OTOG: variants seen among roughly 807,000 people sequenced by gnomAD.
OTOG encodes otogelin.
A neutral mutation model predicts 313.8 loss-of-function variants in OTOG; 296 were observed. That is an observed-to-expected ratio of 0.94 (90% CI 0.86 to 1.04). OTOG has a LOEUF of 1.04. OTOG is among the 50% of genes least tolerant of loss of function. The probability of loss-of-function intolerance (pLI) is 0.00; values close to 1 mark genes in which losing one functional copy is unlikely to be tolerated. For synonymous variants in OTOG, 1,533 were observed against 1,554.9 expected, an observed-to-expected ratio of 0.99 and a Z score of 0.33; for missense variants, 3,948 against 3,840.1, an observed-to-expected ratio of 1.03 and a Z score of -0.74.
chr11:17,555,815 A>G lies in OTOG; in HGVS notation c.577A>G (p.Thr193Ala). Residue 193 changes from threonine to alanine, a missense_variant, in exon 7 of 56, where the codon ACC becomes GCC. Physicochemically the swap from Thr to Ala is moderately conservative, Grantham distance 58. Transcript: ENST00000399397. ...NDPQCGSSPYTCSRAVSLFFV... is the reference protein window; with the variant it reads ...NDPQCGSSPYACSRAVSLFFV... Reference sequence around the variant, plus strand: ...CCCGCAGTGTGGCTCTTCACCCTACACCTGCTCCAGGGCTGTCAGCCTCTT... The same window carrying G: ...CCCGCAGTGTGGCTCTTCACCCTACGCCTGCTCCAGGGCTGTCAGCCTCTT... 6.4e-7 allele frequency: 1 copy of G among 1,550,710 alleles called. No individual in the cohort carries two copies. Among genetic ancestry groups the G allele is most frequent in the Non-Finnish European group, 8.7e-7 (1 of 1,147,032 alleles).
intron 40 of OTOG, 115 bp from the exon 41 acceptor site, chr11:17,631,587 G>A: frequency 1.2e-6 from 1 of 827,884 alleles, no homozygotes; most frequent in East Asian, 2.7e-5. Context: ...CCTATAAAAT[G>A]GGGATAATGG....
intron 12 of OTOG, among the ~76,000 whole-genome samples, chr11:17,559,909 G>GAAAGAAGGAAGTGAGGAAGAA (rs371913412): frequency 6.7e-6 from 1 of 148,704 alleles, no homozygotes; most frequent in Non-Finnish European, 1.5e-5. Flanking sequence ...AGGGAGGAAG[G>GAAAGAAGGAAGTGAGGAAGAA]AAGGAAAGAA....
Position 17,641,940 on chromosome 11 carries a change from TC to T in OTOG, c.8287del (p.Leu2763CysfsTer31). On this transcript the variant is annotated frameshift_variant, in exon 52 of 56. Coordinates refer to ENST00000399397, the MANE Select transcript of OTOG (RefSeq NM_001292063.2). LOFTEE classifies it high-confidence loss of function. ...CLFTFPNGTT[S>X]LFLPGASWIA... Reference sequence around the variant, plus strand: ...CTTCACCTTCCCCAATGGCACCACCTCCCTGTTCTTGGTAAGCAGCCCCCTC... The same window carrying T: ...CTTCACCTTCCCCAATGGCACCACCTCCTGTTCTTGGTAAGCAGCCCCCTC... 6.5e-7 allele frequency: 1 copy of T among 1,550,122 alleles called. No individual in the cohort carries two copies.
At position 17,556,026 on chromosome 11, in the gene OTOG, T is replaced by C. The variant is rs751203862; in HGVS notation, c.659+129T>C. On this transcript the variant is annotated intron_variant, in intron 7 of 55. Transcript: ENST00000399397. The stretch of plus-strand genomic sequence containing the variant: ...GGGACAAACAGCAATTTCCACTATC[T>C]GGGCGGAAGCATACTGGCAGATCAC... The C allele has an allele frequency of 2.0e-5, 14 of 704,360 alleles. No individual in the cohort carries two copies. In the South Asian group the frequency reaches 2.7e-4, roughly 14 times the overall value. 43.6% of individuals were successfully genotyped at this position (704,360 alleles called of 1,614,324 possible). A position where few individuals can be genotyped will look rare whatever the true frequency, so the allele number is the denominator to read the frequency against.
At chr11:17,593,571 G>C in intron 26 of OTOG, 39 bp from the exon 27 acceptor site, 2 of 1,542,784 alleles carry the variant, frequency 1.3e-6, no homozygotes, top group East Asian at 2.5e-5. Context: ...GGCGCTAGGG[G>C]GCACTTGGGC....
intron 54 of OTOG, among the ~76,000 whole-genome samples, chr11:17,644,774 G>A (rs867971620): frequency 6.6e-6 from 1 of 152,120 alleles, no homozygotes; most frequent in East Asian, 1.9e-4. Context: ...GATTCACATC[G>A]TAATTACCGA....
At chr11:17,614,512 C>A (rs1233416135) in intron 39 of OTOG, among the ~76,000 whole-genome samples, 2 of 152,134 alleles carry the variant, frequency 1.3e-5, no homozygotes, top group Admixed American at 6.5e-5. Context: ...GCAACAAGCA[C>A]CCACAGTCAT....
chr11:17,556,353 A>G (rs1490130138), intron 7 of OTOG, among the ~76,000 whole-genome samples: 1 of 152,014 alleles, frequency 6.6e-6, no homozygotes, highest in African/African-American at 2.4e-5. Context: ...AGGAGTGGGG[A>G]CCCCTTGCTC....
rs1378642866 is a variant in OTOG at position 17,609,309 on chromosome 11, C to T, written c.4354+100C>T. Reference sequence around the variant, plus strand: ...TCAAAGCTCCCAGGTCCCAGAGAAGCAAGATCAGCACAGGGACCTTTGGAA... The same window carrying T: ...TCAAAGCTCCCAGGTCCCAGAGAAGTAAGATCAGCACAGGGACCTTTGGAA... On this transcript the variant is annotated intron_variant, in intron 35 of 55. Coordinates refer to ENST00000399397, the MANE Select transcript of OTOG (RefSeq NM_001292063.2). The T allele has an allele frequency of 2.7e-6, 3 of 1,095,262 alleles. No homozygotes were observed. The East Asian group carries it at 7.7e-5, about 28-fold the overall frequency. The allele number at this position is 1,095,262 out of a possible 1,614,324, so 67.8% of individuals were successfully genotyped here. A position where few individuals can be genotyped will look rare whatever the true frequency, so the allele number is the denominator to read the frequency against.
chr11:17,561,077 T>G lies in OTOG; in HGVS notation c.1452-14T>G. 2 of 1,550,560 alleles carry G rather than the reference T, an allele frequency of 1.3e-6. No individual in the cohort carries two copies. Among genetic ancestry groups the G allele is most frequent in the Non-Finnish European group, 8.7e-7 (1 of 1,146,958 alleles). On this transcript the variant is annotated splice_polypyrimidine_tract_variant and intron_variant, in intron 13 of 55. Transcript: ENST00000399397. ...GAGGGGTGACCTCTTGCCTCCTTGG[T>G]CTCTGTGTTTTAGCACATGCACCTC...
At chr11:17,612,883 G>A (rs1590043010) in intron 38 of OTOG, 118 bp downstream of exon 38, 20 of 1,252,354 alleles carry the variant, frequency 1.6e-5, no homozygotes, top group East Asian at 2.6e-5. Context: ...GCCCCCCTGA[G>A]CTCCCTCTGT....
chr11:17,609,107 A>G (rs1232371486), intron 34 of OTOG, 23 bp from the exon 35 acceptor site: 1 of 1,544,016 alleles, frequency 6.5e-7, no homozygotes, highest in Non-Finnish European at 8.8e-7. Flanking sequence ...AGGCCTTTAA[A>G]CTGCTCCCTG....
chr11:17,621,669 C>G (rs894664279), intron 39 of OTOG, among the ~76,000 whole-genome samples: 31 of 152,120 alleles, frequency 2.0e-4, no homozygotes, highest in African/African-American at 7.5e-4. Context: ...TATCTCTTGT[C>G]TTCTAAACTC....
At chr11:17,576,687 G>A (rs751852245) in intron 21 of OTOG, 57 bp downstream of exon 21, 4 of 1,491,268 alleles carry the variant, frequency 2.7e-6, no homozygotes, top group Admixed American at 3.9e-5. Context: ...GCTGCTGACT[G>A]AAGACAGTGC....
chr11:17,624,702 G>A (rs1373073102), intron 39 of OTOG, among the ~76,000 whole-genome samples: 1 of 152,106 alleles, frequency 6.6e-6, no homozygotes, highest in Non-Finnish European at 1.5e-5. Flanking sequence ...GAATGTCATT[G>A]GTAGTTTGAT....
At chr11:17,631,111 T>C (rs1174155054) in intron 40 of OTOG, among the ~76,000 whole-genome samples, 2 of 152,144 alleles carry the variant, frequency 1.3e-5, no homozygotes, top group Non-Finnish European at 2.9e-5. Context: ...CATATGCCAT[T>C]GGCTGGGACT....
chr11:17,607,863 G>A (rs1853426778), intron 33 of OTOG, among the ~76,000 whole-genome samples: 1 of 152,152 alleles, frequency 6.6e-6, no homozygotes, highest in African/African-American at 2.4e-5. Flanking sequence ...CCCTGCTAGA[G>A]ACAAGGCAAG....
chr11:17,600,544 G>A (rs1449014945), intron 31 of OTOG, among the ~76,000 whole-genome samples: 1 of 152,196 alleles, frequency 6.6e-6, no homozygotes, highest in Non-Finnish European at 1.5e-5. Flanking sequence ...GAAGTGGAAA[G>A]GAGAGACTGG....
intron 53 of OTOG, among the ~76,000 whole-genome samples, chr11:17,642,817 A>G (rs78308600): frequency 4.6e-5 from 7 of 152,292 alleles, no homozygotes; most frequent in African/African-American, 1.7e-4. Context: ...TCTTCCCTAG[A>G]AAACAAATAT....
Sources: gnomAD v4.1 joint callset for allele counts (sites outside exome capture counted in the v4.1 genomes callset) on GRCh38, gnomAD v4.1.1 for gene constraint, MANE v1.5 for transcripts, NCBI Gene and HGNC (gene_info 2026-07-23, HGNC 2026-07-21) for gene names.